Variants in ADAMTS18 observed in about 807,000 individuals in gnomAD.
The protein encoded by ADAMTS18 is ADAM metallopeptidase with thrombospondin type 1 motif 18.
Under a neutral mutation model 165.9 loss-of-function variants are expected in ADAMTS18, and 157 were observed. The ratio of observed to expected loss-of-function variants is 0.95; its 90% CI spans 0.83 to 1.08. The LOEUF is 1.08. ADAMTS18 is among the 50% of genes least tolerant of loss of function. ADAMTS18 has a pLI of 0.00. For missense variants in ADAMTS18, 2,040 were observed against 1,534.0 expected (o/e 1.33, Z -5.51); for synonymous variants, 782 against 578.2 (o/e 1.35, Z -5.06).
At chr16:77,332,807 C>G (rs1283365346) in intron 12 of ADAMTS18, among the ~76,000 whole-genome samples, 1 of 152,182 alleles carries the variant, frequency 6.6e-6, no homozygotes, top group African/African-American at 2.4e-5. Flanking sequence ...CAATCCACAG[C>G]TGATTTGACT....
intron 3 of ADAMTS18, among the ~76,000 whole-genome samples, chr16:77,426,783 G>A (rs2057678472): frequency 6.6e-6 from 1 of 152,174 alleles, no homozygotes; most frequent in Non-Finnish European, 1.5e-5. Flanking sequence ...AGCACTTTGG[G>A]AGGCTGAGGC....
intron 22 of ADAMTS18, among the ~76,000 whole-genome samples, chr16:77,288,860 C>T (rs11643318): frequency 3.3e-5 from 5 of 152,070 alleles, no homozygotes; most frequent in Middle Eastern, 3.4e-3. Flanking sequence ...GACAGTAAAC[C>T]CAGAACTTGA....
At chr16:77,386,541 T>A (rs2057110547) in intron 3 of ADAMTS18, among the ~76,000 whole-genome samples, 1 of 152,142 alleles carries the variant, frequency 6.6e-6, no homozygotes, top group South Asian at 2.1e-4. Context: ...GGCCGCCCCA[T>A]AAAGATGTGG....
chr16:77,284,837 T>G (rs909203318), intron 22 of ADAMTS18, among the ~76,000 whole-genome samples: 1 of 152,052 alleles, frequency 6.6e-6, no homozygotes, highest in African/African-American at 2.4e-5. Flanking sequence ...AGGGAGGGTG[T>G]GCTGCTGGTC....
intron 4 of ADAMTS18, among the ~76,000 whole-genome samples, chr16:77,365,968 A>G (rs1282528819): frequency 2.0e-5 from 3 of 152,228 alleles, no homozygotes; most frequent in African/African-American, 7.2e-5. Context: ...AACATGTCTT[A>G]CCACTATAAA....
At chr16:77,292,651 A>C (rs1480179657) in intron 20 of ADAMTS18, among the ~76,000 whole-genome samples, 4 of 152,132 alleles carry the variant, frequency 2.6e-5, no homozygotes, top group African/African-American at 9.7e-5. Flanking sequence ...TTGCGCCCCT[A>C]CTGCCCAGAC....
At chr16:77,330,661 C>T (rs766279219) in intron 12 of ADAMTS18, among the ~76,000 whole-genome samples, 1 of 152,216 alleles carries the variant, frequency 6.6e-6, no homozygotes, top group Non-Finnish European at 1.5e-5. Flanking sequence ...TTACCACTTA[C>T]ATGGGACAAA....
intron 3 of ADAMTS18, among the ~76,000 whole-genome samples, chr16:77,414,452 T>A (rs1471691616): frequency 2.0e-5 from 3 of 152,236 alleles, no homozygotes; most frequent in African/African-American, 4.8e-5. Context: ...ATTATTATTT[T>A]GAAATACCAG....
At chr16:77,336,173 C>T (rs896982689) in intron 11 of ADAMTS18, among the ~76,000 whole-genome samples, 4 of 152,110 alleles carry the variant, frequency 2.6e-5, no homozygotes, top group African/African-American at 9.7e-5. Context: ...GTGGAGGTGA[C>T]ATGTTCAGAT....
chr16:77,356,521 T>G (rs2056632937), intron 8 of ADAMTS18, among the ~76,000 whole-genome samples: 1 of 152,198 alleles, frequency 6.6e-6, no homozygotes, highest in African/African-American at 2.4e-5. Context: ...GTTTATGAAC[T>G]GTTCATATAT....
At chr16:77,307,677 T>G (rs2055705987) in intron 16 of ADAMTS18, among the ~76,000 whole-genome samples, 2 of 152,210 alleles carry the variant, frequency 1.3e-5, no homozygotes, top group South Asian at 4.1e-4. Context: ...GCCTGACTAT[T>G]CTATCATCTG....
chr16:77,377,611 T>C (rs898051056), intron 3 of ADAMTS18, among the ~76,000 whole-genome samples: 5 of 152,328 alleles, frequency 3.3e-5, no homozygotes, highest in South Asian at 4.1e-4. Flanking sequence ...AATTCACAGA[T>C]AGTACAAAGT....
intron 3 of ADAMTS18, among the ~76,000 whole-genome samples, chr16:77,387,306 C>A (rs546688790): frequency 1.4e-4 from 21 of 152,110 alleles, no homozygotes; most frequent in Admixed American, 4.6e-4. Flanking sequence ...CATCTCATGT[C>A]GGATAGTCAT....
At chr16:77,329,492 A>T (rs1002549725) in intron 12 of ADAMTS18, among the ~76,000 whole-genome samples, 1 of 152,190 alleles carries the variant, frequency 6.6e-6, no homozygotes, top group Admixed American at 6.5e-5. Flanking sequence ...AAATAGGAAC[A>T]GTTGTGACAA....
intron 14 of ADAMTS18, among the ~76,000 whole-genome samples, chr16:77,321,460 T>C (rs1422563086): frequency 1.3e-5 from 2 of 152,192 alleles, no homozygotes; most frequent in South Asian, 2.1e-4. Flanking sequence ...AAAGTCACTA[T>C]TGCTACTAAT....
chr16:77,320,582 T>G (rs2144638817), intron 15 of ADAMTS18, among the ~76,000 whole-genome samples: 1 of 151,758 alleles, frequency 6.6e-6, no homozygotes, highest in Admixed American at 6.6e-5. Flanking sequence ...GAGGTTGCAG[T>G]GAGCTGAGAT....
intron 9 of ADAMTS18, among the ~76,000 whole-genome samples, chr16:77,354,141 C>T (rs1198275485): frequency 2.0e-5 from 3 of 152,122 alleles, no homozygotes; most frequent in Non-Finnish European, 4.4e-5. Context: ...TGGGATTTGA[C>T]AGGAGACAGG....
chr16:77,343,054 CT>C (rs1407589374), intron 10 of ADAMTS18, among the ~76,000 whole-genome samples: 2 of 151,120 alleles, frequency 1.3e-5, no homozygotes, highest in African/African-American at 2.4e-5. Flanking sequence ...TGCTAATGCA[CT>C]GATTTTAGAC....
intron 22 of ADAMTS18, among the ~76,000 whole-genome samples, chr16:77,286,093 T>G (rs1016653299): frequency 6.6e-6 from 1 of 152,140 alleles, no homozygotes; most frequent in African/African-American, 2.4e-5. Flanking sequence ...GCTTAACCAC[T>G]CTTCACCTTG....
Sources: gnomAD v4.1 joint callset for allele counts (sites outside exome capture counted in the v4.1 genomes callset) on GRCh38, gnomAD v4.1.1 for gene constraint, MANE v1.5 for transcripts, NCBI Gene and HGNC (gene_info 2026-07-23, HGNC 2026-07-21) for gene names.